The following CPNE4 variants were observed in gnomAD, a reference collection of about 807,000 sequenced individuals.
The protein encoded by CPNE4 is copine-4.
CPNE4 carries 25 observed loss-of-function variants against 67.9 expected under a neutral mutation model. That is an observed-to-expected ratio of 0.37 (90% confidence interval 0.27 to 0.51). The LOEUF (loss-of-function observed/expected upper bound fraction) is 0.51, where lower values mean the gene tolerates loss of function less well. Among genes scored for constraint, CPNE4 ranks in the 20% least tolerant of loss-of-function variants. The pLI, the probability that CPNE4 is intolerant of heterozygous loss-of-function variation, is 0.93. For missense variants in CPNE4, 464 were observed against 690.8 expected, an observed-to-expected ratio of 0.67 and a Z score of 3.68; for synonymous variants, 242 against 244.9, an observed-to-expected ratio of 0.99 and a Z score of 0.11.
intron 2 of CPNE4, among the ~76,000 whole-genome samples, chr3:131,869,738 AGAG>A (rs1456813840): frequency 1.3e-5 from 2 of 152,186 alleles, no homozygotes; most frequent in East Asian, 3.9e-4. Context: ...TCGGAGAAAA[AGAG>A]GAGAGAGAAG....
chr3:131,755,941 A>G (rs1021471389), intron 2 of CPNE4, among the ~76,000 whole-genome samples: 2 of 152,180 alleles, frequency 1.3e-5, no homozygotes, highest in Non-Finnish European at 2.9e-5. Flanking sequence ...GTTCTTCCAT[A>G]AAGTTTCTAT....
chr3:131,832,074 GGTTCAAA>G (rs1481973823), intron 2 of CPNE4, among the ~76,000 whole-genome samples: 2 of 151,982 alleles, frequency 1.3e-5, no homozygotes, highest in Non-Finnish European at 2.9e-5. Flanking sequence ...CATTGTCAGG[GGTTCAAA>G]GTTCTATCTA....
At chr3:131,915,466 T>G (rs1275351888) in intron 1 of CPNE4, among the ~76,000 whole-genome samples, 6 of 152,160 alleles carry the variant, frequency 3.9e-5, no homozygotes, top group Admixed American at 3.9e-4. Flanking sequence ...TTTCAAACAC[T>G]GAGCATTTGA....
intron 1 of CPNE4, among the ~76,000 whole-genome samples, chr3:131,963,705 G>A (rs1358974737): frequency 6.6e-6 from 1 of 152,206 alleles, no homozygotes; most frequent in Non-Finnish European, 1.5e-5. Context: ...ACTGGGCAGG[G>A]CATCTCTGAA....
chr3:132,005,314 CATATATATAT>C (rs767282824), intron 1 of CPNE4, among the ~76,000 whole-genome samples: 2 of 81,738 alleles, frequency 2.4e-5, no homozygotes, highest in East Asian at 3.1e-4. Flanking sequence ...GCCATTTTTA[CATATATATAT>C]ATATATATAT....
chr3:131,713,764 T>C (rs907114490), intron 3 of CPNE4, among the ~76,000 whole-genome samples: 1 of 152,182 alleles, frequency 6.6e-6, no homozygotes, highest in African/African-American at 2.4e-5. Context: ...TCCAAAGTTA[T>C]GATTCCTTGC....
chr3:131,557,096 G>T (rs1293005479), intron 11 of CPNE4, among the ~76,000 whole-genome samples: 1 of 151,982 alleles, frequency 6.6e-6, no homozygotes, highest in African/African-American at 2.4e-5. Context: ...GTGATTTTCT[G>T]CTAGTACTTC....
chr3:131,544,412 A>AAGAT (rs1308997307), intron 14 of CPNE4, among the ~76,000 whole-genome samples: 1 of 152,206 alleles, frequency 6.6e-6, no homozygotes, highest in African/African-American at 2.4e-5. Flanking sequence ...CACTGTGATG[A>AAGAT]AGATAGCCAC....
At position 131,723,613 on chromosome 3, in the gene CPNE4, C is replaced by T; in HGVS notation, c.193G>A (p.Glu65Lys). The change falls in exon 3 of 16, where the codon GAG (glutamate) becomes AAG (lysine). Residue 65 changes from glutamate to lysine, a missense_variant. Around this residue, in one of 6 missense-constraint regions of CPNE4, gnomAD observed 170 missense variants for 203.3 expected, o/e 0.84. Transcript: ENST00000429747. ...HGQWFEVDRTEVIRTCINPVY... is the reference protein window; with the variant it reads ...HGQWFEVDRTKVIRTCINPVY... ...GGGTTTATGCAGGTGCGAATCACCT[C>T]AGTCCTGTCAACCTGCAAGGAGAAA... is the stretch of plus-strand genomic sequence containing the variant. 6.2e-7 allele frequency: 1 copy of T among 1,611,520 alleles called. No homozygotes were observed. Among genetic ancestry groups the T allele is most frequent in the Non-Finnish European group, 8.5e-7 (1 of 1,178,708 alleles).
chr3:131,746,597 A>G (rs898708584), intron 2 of CPNE4, among the ~76,000 whole-genome samples: 4 of 152,210 alleles, frequency 2.6e-5, no homozygotes, highest in Non-Finnish European at 4.4e-5. Flanking sequence ...CACAAATGAC[A>G]GAAATTCATT....
intron 2 of CPNE4, among the ~76,000 whole-genome samples, chr3:131,807,766 AT>A (rs1237625843): frequency 1.3e-5 from 2 of 152,152 alleles, no homozygotes; most frequent in Admixed American, 1.3e-4. Flanking sequence ...TTTAAAATAT[AT>A]TTTTTAAAAT....
At chr3:131,663,790 G>T (rs2080189546) in intron 7 of CPNE4, among the ~76,000 whole-genome samples, 1 of 152,134 alleles carries the variant, frequency 6.6e-6, no homozygotes, top group Non-Finnish European at 1.5e-5. Context: ...TCATTCAGGG[G>T]TTGCTTTAGA....
chr3:131,899,949 C>G (rs1364343015), intron 2 of CPNE4, among the ~76,000 whole-genome samples: 1 of 152,072 alleles, frequency 6.6e-6, no homozygotes, highest in Non-Finnish European at 1.5e-5. Context: ...AATTCCACAG[C>G]CCACTTCTCT....
chr3:131,981,140 T>C (rs1330311517), intron 1 of CPNE4, among the ~76,000 whole-genome samples: 1 of 152,064 alleles, frequency 6.6e-6, no homozygotes, highest in Non-Finnish European at 1.5e-5. Flanking sequence ...GCTTTGGTGG[T>C]TCAATGCTTT....
intron 2 of CPNE4, among the ~76,000 whole-genome samples, chr3:131,879,355 C>G (rs1342044378): frequency 6.6e-6 from 1 of 152,158 alleles, no homozygotes; most frequent in Non-Finnish European, 1.5e-5. Flanking sequence ...CTTCTCTATC[C>G]TTCCCCAAAA....
chr3:131,866,024 A>G (rs1176011659), intron 2 of CPNE4, among the ~76,000 whole-genome samples: 1 of 152,218 alleles, frequency 6.6e-6, no homozygotes, highest in African/African-American at 2.4e-5. Flanking sequence ...AGGAAGGTGC[A>G]TGACTTTGGG....
At chr3:132,028,821 T>A (rs992208026) in intron 1 of CPNE4, among the ~76,000 whole-genome samples, 2 of 110,182 alleles carry the variant, frequency 1.8e-5, no homozygotes, top group African/African-American at 7.0e-5. Flanking sequence ...ATTTCAAAGA[T>A]TTAGTACTAG....
At chr3:131,941,680 G>C (rs535069396) in intron 1 of CPNE4, among the ~76,000 whole-genome samples, 14 of 152,172 alleles carry the variant, frequency 9.2e-5, no homozygotes, top group African/African-American at 2.4e-5. Context: ...TTCTGGTTTA[G>C]AGCATACATA....
intron 12 of CPNE4, 109 bp downstream of exon 12, chr3:131,555,388 T>C: frequency 1.1e-6 from 1 of 902,318 alleles, no homozygotes; most frequent in East Asian, 2.5e-5. Context: ...CTGTAGGCCC[T>C]ACTGACACAG....
Sources: allele counts gnomAD v4.1 joint callset (sites outside exome capture counted in the v4.1 genomes callset), GRCh38; gene constraint gnomAD v4.1.1; regional missense constraint gnomAD v4.1.1; transcripts MANE v1.5; gene names NCBI Gene and HGNC (gene_info 2026-07-23, HGNC 2026-07-21).